The following PXDNL variants were observed in gnomAD, a reference collection of about 807,000 sequenced individuals.
PXDNL encodes the protein probable oxidoreductase PXDNL.
In PXDNL, 145 loss-of-function variants were observed where a neutral mutation model predicts 150.8. The ratio of observed to expected loss-of-function variants is 0.96; its 90% CI spans 0.84 to 1.10. The LOEUF (loss-of-function observed/expected upper bound fraction) is 1.10. PXDNL is among the 50% of genes least tolerant of loss of function. The pLI is 0.00. For missense variants in PXDNL, 2,087 were observed against 1,873.9 expected (o/e 1.11, Z -2.10); for synonymous variants, 757 against 725.7 (o/e 1.04, Z -0.69).
Position 51,403,818 on chromosome 8 carries a change from C to T in PXDNL, c.3557+4249G>A, listed in dbSNP as rs542767231. On this transcript the variant is annotated intron_variant, in intron 17 of 22. Coordinates refer to ENST00000356297, the MANE Select transcript of PXDNL (RefSeq NM_144651.5). ...GGTGGTGATTAGGTCATGATGTGTTCGGAATTGGTGAGGTCTCGGTCTCAC... is the reference window on the plus strand; with the variant it reads ...GGTGGTGATTAGGTCATGATGTGTTTGGAATTGGTGAGGTCTCGGTCTCAC... 5.2e-4 allele frequency among the ~76,000 whole-genome samples: 79 copies of T among 152,220 alleles called. 1 individual carries two copies. The highest frequency in any genetic ancestry group is 9.3e-4 in the Non-Finnish European group (63 of 68,006).
At chr8:51,608,002 G>GAAGGAAGA (rs1554557476) in intron 2 of PXDNL, among the ~76,000 whole-genome samples, 1 of 64,672 alleles carries the variant, frequency 1.5e-5, no homozygotes, top group Admixed American at 1.7e-4. Flanking sequence ...AGGAAGGAAG[G>GAAGGAAGA]AAGAAAGAAA....
At chr8:51,527,197 G>A (rs1004282954) in intron 4 of PXDNL, among the ~76,000 whole-genome samples, 1 of 152,162 alleles carries the variant, frequency 6.6e-6, no homozygotes, top group African/African-American at 2.4e-5. Flanking sequence ...ACCTGAGCTT[G>A]CCATAGAAGA....
chr8:51,730,527 A>G (rs1223145901), intron 1 of PXDNL, among the ~76,000 whole-genome samples: 2 of 152,338 alleles, frequency 1.3e-5, no homozygotes, highest in East Asian at 3.9e-4. Context: ...TCTATATGCC[A>G]TGGATGTAGA....
chr8:51,573,021 C>A (rs1222728725), intron 3 of PXDNL, among the ~76,000 whole-genome samples: 5 of 151,852 alleles, frequency 3.3e-5, no homozygotes, highest in African/African-American at 1.2e-4. Flanking sequence ...TAGAGATGAA[C>A]AAGCAAAAGC....
intron 1 of PXDNL, among the ~76,000 whole-genome samples, chr8:51,696,048 A>G (rs779686726): frequency 1.3e-5 from 2 of 152,172 alleles, no homozygotes; most frequent in Non-Finnish European, 2.9e-5. Flanking sequence ...GTCTGAAACA[A>G]ATGTCATGCA....
At chr8:51,791,247 TAA>T (rs1451842583) in intron 1 of PXDNL, among the ~76,000 whole-genome samples, 11 of 152,210 alleles carry the variant, frequency 7.2e-5, no homozygotes, top group Non-Finnish European at 2.9e-5. Context: ...CTAAGCTTGC[TAA>T]GAGACGTCTT....
chr8:51,666,120 T>C (rs7016847), intron 1 of PXDNL, among the ~76,000 whole-genome samples: 19,703 of 152,208 alleles, frequency 0.13, 2,281 homozygotes, highest in African/African-American at 0.3. Flanking sequence ...CAAATCATCC[T>C]GGCCTACGTC....
At chr8:51,629,779 G>A (rs941487859) in intron 2 of PXDNL, among the ~76,000 whole-genome samples, 5 of 152,186 alleles carry the variant, frequency 3.3e-5, no homozygotes, top group Middle Eastern at 3.4e-3. Context: ...TTAAAGTGCT[G>A]AAAATTTTTA....
At chr8:51,593,693 G>A (rs1393585517) in intron 2 of PXDNL, among the ~76,000 whole-genome samples, 10 of 152,126 alleles carry the variant, frequency 6.6e-5, no homozygotes, top group Non-Finnish European at 1.2e-4. Context: ...CTGATTCACT[G>A]TAGGCCTCAC....
intron 19 of PXDNL, among the ~76,000 whole-genome samples, chr8:51,360,865 A>C (rs1251949204): frequency 6.6e-6 from 1 of 152,212 alleles, no homozygotes; most frequent in Non-Finnish European, 1.5e-5. Flanking sequence ...TTCTGTCCGT[A>C]AATCTTCTTC....
chr8:51,463,532 AGGGCACTACAT>A (rs1810130379), intron 8 of PXDNL, among the ~76,000 whole-genome samples: 1 of 152,226 alleles, frequency 6.6e-6, no homozygotes, highest in Non-Finnish European at 1.5e-5. Flanking sequence ...AGGACAAATA[AGGGCACTACAT>A]AATGATAATT....
intron 3 of PXDNL, among the ~76,000 whole-genome samples, chr8:51,588,408 A>T (rs1200647163): frequency 2.0e-5 from 3 of 152,188 alleles, no homozygotes; most frequent in Non-Finnish European, 4.4e-5. Flanking sequence ...CTTGCCTTTT[A>T]AATAACATGT....
intron 2 of PXDNL, among the ~76,000 whole-genome samples, chr8:51,631,384 T>C (rs1814486295): frequency 6.6e-6 from 1 of 152,104 alleles, no homozygotes; most frequent in Non-Finnish European, 1.5e-5. Context: ...CCCCATGACA[T>C]GCAATTTACC....
At chr8:51,756,230 C>A (rs2037099783) in intron 1 of PXDNL, among the ~76,000 whole-genome samples, 1 of 151,900 alleles carries the variant, frequency 6.6e-6, no homozygotes, top group Admixed American at 6.6e-5. Flanking sequence ...ACCATCTCTG[C>A]AAAACATACA....
At chr8:51,447,658 T>C (rs770872013) in intron 11 of PXDNL, among the ~76,000 whole-genome samples, 1 of 152,242 alleles carries the variant, frequency 6.6e-6, no homozygotes, top group Non-Finnish European at 1.5e-5. Context: ...CATTGTACTT[T>C]GCACTGCTGA....
chr8:51,427,637 G>C (rs1809142865), intron 12 of PXDNL, among the ~76,000 whole-genome samples: 1 of 152,000 alleles, frequency 6.6e-6, no homozygotes, highest in South Asian at 2.1e-4. Context: ...GGCTAAAGAA[G>C]AAAAGCCACA....
intron 1 of PXDNL, among the ~76,000 whole-genome samples, chr8:51,665,022 G>A (rs754571294): frequency 1.3e-5 from 2 of 152,196 alleles, no homozygotes; most frequent in African/African-American, 2.4e-5. Flanking sequence ...GTCAGGAGAC[G>A]CACAGATGGT....
intron 1 of PXDNL, among the ~76,000 whole-genome samples, chr8:51,743,943 A>AAGGAAGGAAGGAAG (rs1563306945): frequency 1.1e-3 from 9 of 8,058 alleles, no homozygotes; most frequent in Middle Eastern, 0.083. Context: ...AAGGAAGGAG[A>AAGGAAGGAAGGAAG]GAAAGAGAGA....
At chr8:51,620,602 G>A (rs1241082675) in intron 2 of PXDNL, among the ~76,000 whole-genome samples, 2 of 151,574 alleles carry the variant, frequency 1.3e-5, no homozygotes, top group East Asian at 1.9e-4. Flanking sequence ...GGAGTGCAGT[G>A]GCACGATCTC....
Sources: gnomAD v4.1 joint callset for allele counts (sites outside exome capture counted in the v4.1 genomes callset) on GRCh38, gnomAD v4.1.1 for gene constraint, MANE v1.5 for transcripts, NCBI Gene and HGNC (gene_info 2026-07-23, HGNC 2026-07-21) for gene names.